Variants in OR2A5 observed in about 807,000 individuals in gnomAD.
OR2A5 encodes olfactory receptor 2A5.
OR2A5 carries 2 observed loss-of-function variants against 1.9 expected under a neutral mutation model. The ratio of observed to expected loss-of-function variants is 1.04; its 90% CI spans 0.43 to 3.28. The LOEUF is 3.28. Ranked by LOEUF, OR2A5 falls within the 30% of genes most tolerant of loss-of-function variation. The pLI, the probability that OR2A5 is intolerant of heterozygous loss-of-function variation, is 0.08. For missense variants in OR2A5, 391 were observed against 375.9 expected, an observed-to-expected ratio of 1.04 and a Z score of -0.33; for synonymous variants, 160 against 154.5, an observed-to-expected ratio of 1.04 and a Z score of -0.26.
rs2050894998 is a variant in OR2A5, at chr7:144,050,701, G to A, written c.300G>A (p.Gln100=). The A allele has an allele frequency of 6.2e-7, 1 of 1,614,020 alleles. No homozygotes were observed. Among genetic ancestry groups the A allele is most frequent in the Non-Finnish European group, 8.5e-7 (1 of 1,180,040 alleles). ...KTISFVPCTM[Q]TFLYMAFAHT... ...TCTCCTTTGTCCCATGCACAATGCA[G>A]ACCTTTTTATACATGGCTTTTGCTC... is the stretch of plus-strand genomic sequence containing the variant. Residue 100 remains glutamine, a synonymous_variant, in exon 2 of 2, where the codon CAG becomes CAA. Coordinates refer to ENST00000641693, the MANE Select transcript of OR2A5 (RefSeq NM_012365.2).
chr7:144,050,553 ACT>A lies in OR2A5; in HGVS notation c.154_155del (p.Ser52GlnfsTer17). ...GCCATCCTGGGGCTCATCTGGCTGG[ACT>A]CCAGACTGCACACCCCCATGTACTT... is the stretch of plus-strand genomic sequence containing the variant. On this transcript the variant is annotated frameshift_variant, in exon 2 of 2. Transcript: ENST00000641693. LOFTEE classifies it low-confidence loss of function (END_TRUNC). 6.2e-7 allele frequency: 1 copy of A among 1,609,534 alleles called. No individual in the cohort carries two copies. Among genetic ancestry groups the A allele is most frequent in the African/African-American group, 1.3e-5 (1 of 74,854 alleles).
rs970570160 is a variant in OR2A5, at chr7:144,054,087, G to C, written c.*2750G>C. ...CCCCATCTCTCCTGTGTACAGATCC[G>C]TGATGGACCTACCTTACCAGTGCTC... is the stretch of plus-strand genomic sequence containing the variant. On this transcript the variant is annotated 3_prime_UTR_variant, in exon 2 of 2. Coordinates refer to ENST00000641693, the MANE Select transcript of OR2A5 (RefSeq NM_012365.2). 6.6e-6 allele frequency: 1 copy of C among 152,152 alleles called. No individual in the cohort carries two copies. The allele number at this position is 152,152 out of a possible 1,614,324, so 9.4% of individuals were successfully genotyped here. A position where few individuals can be genotyped will look rare whatever the true frequency, so the allele number is the denominator to read the frequency against.
At chr7:144,049,221 TG>T (rs1466811963) in intron 1 of OR2A5, 88 bp downstream of exon 1, 4 of 152,242 alleles carry the variant, frequency 2.6e-5, no homozygotes, top group African/African-American at 9.7e-5. Flanking sequence ...GTACATTGAA[TG>T]GGAGATACAG....
In OR2A5 at chr7:144,055,527, T is replaced by G. The variant is rs1047141766; in HGVS notation, c.*4190T>G. ...TTTAAATGGTAATTCTAAGATAATC[T>G]TTTTTCTGTCAAAATCCCGTCTTGT... On this transcript the variant is annotated 3_prime_UTR_variant, in exon 2 of 2. Coordinates refer to ENST00000641693, the MANE Select transcript of OR2A5 (RefSeq NM_012365.2). 1 of 152,196 alleles carries G rather than the reference T, an allele frequency of 6.6e-6. No homozygotes were observed. Among genetic ancestry groups the G allele is most frequent in the Non-Finnish European group, 1.5e-5 (1 of 68,036 alleles). The allele number at this position is 152,196 out of a possible 1,614,324, so 9.4% of individuals were successfully genotyped here.
rs757185708 is a variant in OR2A5, at chr7:144,050,395, C to A, written c.-7C>A. The A allele has an allele frequency of 3.3e-6, 5 of 1,527,862 alleles. No homozygotes were observed. In the South Asian group the frequency reaches 5.3e-5, roughly 16 times the overall value. 94.6% of individuals were successfully genotyped at this position (1,527,862 alleles called of 1,614,324 possible). A position where few individuals can be genotyped will look rare whatever the true frequency, so the allele number is the denominator to read the frequency against. On this transcript the variant is annotated 5_prime_UTR_variant, in exon 2 of 2. Coordinates refer to ENST00000641693, the MANE Select transcript of OR2A5 (RefSeq NM_012365.2). ...GCAGAGTCCAACGCAGGTACTGTCA[C>A]AAGGGCATGACAAAAAATCAGACAT...
At chr7:144,050,218 C>A (rs2128797028) in intron 1 of OR2A5, 133 bp from the exon 2 acceptor site, 2 of 484,132 alleles carry the variant, frequency 4.1e-6, no homozygotes, top group Non-Finnish European at 7.2e-6. Context: ...AATTTATTTT[C>A]TGCTTTACTC....
rs767116989 is a variant in OR2A5 at position 144,051,111 on chromosome 7, C to A, written c.710C>A (p.Ala237Asp). 6.2e-7 allele frequency: 1 copy of A among 1,613,946 alleles called. No individual in the cohort carries two copies. Among genetic ancestry groups the A allele is most frequent in the African/African-American group, 1.3e-5 (1 of 74,904 alleles). ...CAGTCTGGGGAGGGCCGCAGAAAGGCCTTCTCCACCTGCTCCTCCCACCTT... is the reference window on the plus strand; with the variant it reads ...CAGTCTGGGGAGGGCCGCAGAAAGGACTTCTCCACCTGCTCCTCCCACCTT... ...RIQSGEGRRK[A>D]FSTCSSHLCM... is the part of the protein sequence containing the mutation. Residue 237 changes from alanine to aspartate, a missense_variant, in exon 2 of 2, where the codon GCC becomes GAC. Transcript: ENST00000641693.
rs1282599953 is a variant in OR2A5 at position 144,056,146 on chromosome 7, A to G, written c.*4809A>G. 2.6e-5 allele frequency: 4 copies of G among 152,354 alleles called. No individual in the cohort carries two copies. Among genetic ancestry groups the G allele is most frequent in the African/African-American group, 9.6e-5 (4 of 41,574 alleles). 9.4% of individuals were successfully genotyped at this position (152,354 alleles called of 1,614,324 possible). On this transcript the variant is annotated 3_prime_UTR_variant, in exon 2 of 2. Transcript: ENST00000641693. Reference sequence around the variant, plus strand: ...TAAATATATTAAAGTTCTTCATGCAATAATGGGGAACTGAGGCTTAGCACC... The same window carrying G: ...TAAATATATTAAAGTTCTTCATGCAGTAATGGGGAACTGAGGCTTAGCACC...
chr7:144,053,907 A>G lies in OR2A5; in HGVS notation c.*2570A>G. ...CCTGTCTGCAAAATCACATGGCCTC[A>G]TAAGGCATTGCCCCAAAGGGACAAT... On this transcript the variant is annotated 3_prime_UTR_variant, in exon 2 of 2. Transcript: ENST00000641693. The G allele has an allele frequency of 6.6e-6, 1 of 152,244 alleles. No individual in the cohort carries two copies. Among genetic ancestry groups the G allele is most frequent in the Non-Finnish European group, 1.5e-5 (1 of 68,054 alleles). 9.4% of individuals were successfully genotyped at this position (152,244 alleles called of 1,614,324 possible).
In OR2A5 at chr7:144,054,820, C is replaced by A. The variant is rs2050927991; in HGVS notation, c.*3483C>A. On this transcript the variant is annotated 3_prime_UTR_variant, in exon 2 of 2. Coordinates refer to ENST00000641693, the MANE Select transcript of OR2A5 (RefSeq NM_012365.2). The stretch of plus-strand genomic sequence containing the variant: ...AGCTTTGTTACGTTCATTCTCCTAC[C>A]CACACACTAAGAATTCTCATCAACT... 1 of 152,074 alleles carries A rather than the reference C, an allele frequency of 6.6e-6. No homozygotes were observed. The highest frequency in any genetic ancestry group is 2.4e-5 in the African/African-American group (1 of 41,404). 9.4% of individuals were successfully genotyped at this position (152,074 alleles called of 1,614,324 possible). A position where few individuals can be genotyped will look rare whatever the true frequency, so the allele number is the denominator to read the frequency against.
rs908581686 is a variant in OR2A5, at chr7:144,056,306, C to A, written c.*4969C>A. 6.6e-6 allele frequency: 1 copy of A among 152,290 alleles called. No homozygotes were observed. The highest frequency in any genetic ancestry group is 1.5e-5 in the Non-Finnish European group (1 of 68,156). The allele number at this position is 152,290 out of a possible 1,614,324, so 9.4% of individuals were successfully genotyped here. Reference sequence around the variant, plus strand: ...AAGACTTGTGAGAACCCAGGCCCTGCGCTGCAACCAAATGTGGAATCCAGA... The same window carrying A: ...AAGACTTGTGAGAACCCAGGCCCTGAGCTGCAACCAAATGTGGAATCCAGA... On this transcript the variant is annotated 3_prime_UTR_variant, in exon 2 of 2. Coordinates refer to ENST00000641693, the MANE Select transcript of OR2A5 (RefSeq NM_012365.2).
chr7:144,052,688 C>T lies in OR2A5; in HGVS notation c.*1351C>T, dbSNP rs1436695958. ...TGCTCATCCATTCATCTCGGTTAAA[C>T]ATTCTGCCTCTGGTGATGGTCTTTG... On this transcript the variant is annotated 3_prime_UTR_variant, in exon 2 of 2. Transcript: ENST00000641693. The T allele has an allele frequency of 5.9e-5, 9 of 152,106 alleles. No homozygotes were observed. Among genetic ancestry groups the T allele is most frequent in the Non-Finnish European group, 1.2e-4 (8 of 68,038 alleles). The allele number at this position is 152,106 out of a possible 1,614,324, so 9.4% of individuals were successfully genotyped here.
At position 144,051,092 on chromosome 7, in the gene OR2A5, G is replaced by T; in HGVS notation, c.691G>T (p.Gly231Trp). ...ILAAILRIQSGEGRRKAFSTC... is the reference protein window; with the variant it reads ...ILAAILRIQSWEGRRKAFSTC... ...GGCGGCCATCTTGAGGATCCAGTCTGGGGAGGGCCGCAGAAAGGCCTTCTC... is the reference window on the plus strand; with the variant it reads ...GGCGGCCATCTTGAGGATCCAGTCTTGGGAGGGCCGCAGAAAGGCCTTCTC... Residue 231 changes from glycine (G) to tryptophan (W), a missense_variant, in exon 2 of 2, where the codon GGG (glycine) becomes TGG (tryptophan). Coordinates refer to ENST00000641693, the MANE Select transcript of OR2A5 (RefSeq NM_012365.2). 1.2e-6 allele frequency: 2 copies of T among 1,614,146 alleles called. No individual in the cohort carries two copies. Among genetic ancestry groups the T allele is most frequent in the Non-Finnish European group, 1.7e-6 (2 of 1,180,028 alleles).
At chr7:144,049,377 A>G (rs2050884718) in intron 1 of OR2A5, among the ~76,000 whole-genome samples, 1 of 152,220 alleles carries the variant, frequency 6.6e-6, no homozygotes, top group Admixed American at 6.5e-5. Flanking sequence ...TCCCCTTTCT[A>G]TAGCCCCTGT....
rs776783652 is a variant in OR2A5, at chr7:144,051,071, G to C, written c.670G>C (p.Ala224Pro). 1.2e-6 allele frequency: 2 copies of C among 1,614,058 alleles called. No individual in the cohort carries two copies. Among genetic ancestry groups the C allele is most frequent in the Admixed American group, 1.7e-5 (1 of 60,010 alleles). Reference protein sequence around the residue: ...VLVSYSRILAAILRIQSGEGR... With the variant: ...VLVSYSRILAPILRIQSGEGR... ...GGTCTCCTACTCGCGCATCCTGGCG[G>C]CCATCTTGAGGATCCAGTCTGGGGA... The change falls in exon 2 of 2, where the codon GCC becomes CCC. Residue 224 changes from alanine (A) to proline (P), a missense_variant. Coordinates refer to ENST00000641693, the MANE Select transcript of OR2A5 (RefSeq NM_012365.2).
In OR2A5 at chr7:144,055,074, CTG is replaced by C. The variant is rs2128797755; in HGVS notation, c.*3741_*3742del. ...TAGCCATAAATAATTTTTGAAATGA[CTG>C]TGTTTCCATAGCCCGGAAAAAAGGA... On this transcript the variant is annotated 3_prime_UTR_variant, in exon 2 of 2. Transcript: ENST00000641693. 2 of 152,082 alleles carry C rather than the reference CTG, an allele frequency of 1.3e-5. No individual in the cohort carries two copies. Among genetic ancestry groups the C allele is most frequent in the African/African-American group, 4.8e-5 (2 of 41,502 alleles). 9.4% of individuals were successfully genotyped at this position (152,082 alleles called of 1,614,324 possible).
At position 144,051,713 on chromosome 7, in the gene OR2A5, G is replaced by C; in HGVS notation, c.*376G>C. The C allele has an allele frequency of 5.1e-6, 1 of 196,450 alleles. No homozygotes were observed. The highest frequency in any genetic ancestry group is 1.1e-4 in the South Asian group (1 of 9,460). 12.2% of individuals were successfully genotyped at this position (196,450 alleles called of 1,614,324 possible). A position where few individuals can be genotyped will look rare whatever the true frequency, so the allele number is the denominator to read the frequency against. On this transcript the variant is annotated 3_prime_UTR_variant, in exon 2 of 2. Coordinates refer to ENST00000641693, the MANE Select transcript of OR2A5 (RefSeq NM_012365.2). The stretch of plus-strand genomic sequence containing the variant: ...CCATACCATATGCTACTATAAGAGA[G>C]TACTTGTAATCACACAGAATAAATA...
rs1455244427 is a variant in OR2A5 at position 144,057,238 on chromosome 7, T to G, written c.*5901T>G. 6.6e-6 allele frequency: 1 copy of G among 152,214 alleles called. No homozygotes were observed. Among genetic ancestry groups the G allele is most frequent in the East Asian group, 1.9e-4 (1 of 5,196 alleles). The allele number at this position is 152,214 out of a possible 1,614,324, so 9.4% of individuals were successfully genotyped here. ...TTCCCAAAATGCAACAGAGACTATT[T>G]TTTAAGAAAATGGAATAAAAAGCAC... On this transcript the variant is annotated 3_prime_UTR_variant, in exon 2 of 2. Coordinates refer to ENST00000641693, the MANE Select transcript of OR2A5 (RefSeq NM_012365.2).
In OR2A5 at chr7:144,050,891, C is replaced by G. The variant is rs2050898063; in HGVS notation, c.490C>G (p.Leu164Val). The G allele has an allele frequency of 4.3e-6, 7 of 1,614,078 alleles. No individual in the cohort carries two copies. Among genetic ancestry groups the G allele is most frequent in the Non-Finnish European group, 5.9e-6 (7 of 1,180,046 alleles). The change falls in exon 2 of 2, where the codon CTG (leucine) becomes GTG (valine). Residue 164 changes from leucine to valine, a missense_variant. By Grantham distance (32) the Leu-to-Val change is conservative. Transcript: ENST00000641693. Reference protein sequence around the residue: ...LLALVHVVLILRLPFCGPHEI... With the variant: ...LLALVHVVLIVRLPFCGPHEI... Reference sequence around the variant, plus strand: ...GGCCCTGGTCCATGTGGTTCTCATCCTGAGGCTGCCCTTCTGTGGGCCCCA... The same window carrying G: ...GGCCCTGGTCCATGTGGTTCTCATCGTGAGGCTGCCCTTCTGTGGGCCCCA...
Sources: allele counts gnomAD v4.1 joint callset (sites outside exome capture counted in the v4.1 genomes callset), GRCh38; gene constraint gnomAD v4.1.1; transcripts MANE v1.5; gene names NCBI Gene and HGNC (gene_info 2026-07-23, HGNC 2026-07-21).